Variants in XYLT1 observed in about 807,000 individuals in gnomAD.
The protein encoded by XYLT1 is beta-D-xylosyltransferase 1.
A neutral mutation model predicts 91.3 loss-of-function variants in XYLT1; 36 were observed. That is an observed-to-expected ratio of 0.39 (90% confidence interval 0.30 to 0.52). The LOEUF (loss-of-function observed/expected upper bound fraction) is 0.52. Ranked by LOEUF, XYLT1 falls within the 20% of genes least tolerant of loss-of-function variation. The pLI is 0.68. For synonymous variants in XYLT1, 588 were observed against 532.0 expected, an observed-to-expected ratio of 1.11 and a Z score of -1.45; for missense variants, 1,242 against 1,284.5, an observed-to-expected ratio of 0.97 and a Z score of 0.51.
At chr16:17,391,584 T>C (rs2035819844) in intron 1 of XYLT1, among the ~76,000 whole-genome samples, 2 of 152,232 alleles carry the variant, frequency 1.3e-5, no homozygotes, top group South Asian at 4.1e-4. Context: ...TGTCCACTTC[T>C]GACCTTGACC....
intron 1 of XYLT1, chr16:17,446,063 C>G (rs1195167418): frequency 6.6e-6 from 1 of 152,132 alleles, no homozygotes; most frequent in Non-Finnish European, 1.5e-5. Context: ...TATGAGAGAT[C>G]TAGAAAAGCT....
At chr16:17,284,054 G>A (rs1356272251) in intron 2 of XYLT1, among the ~76,000 whole-genome samples, 1 of 152,208 alleles carries the variant, frequency 6.6e-6, no homozygotes, top group African/African-American at 2.4e-5. Context: ...CTAAACCTCA[G>A]CATTATCCCT....
chr16:17,285,291 G>A (rs963436035), intron 2 of XYLT1, among the ~76,000 whole-genome samples: 10 of 152,194 alleles, frequency 6.6e-5, no homozygotes, highest in African/African-American at 2.4e-4. Flanking sequence ...ACCAGCAAAT[G>A]GCTTTAAATC....
intron 1 of XYLT1, among the ~76,000 whole-genome samples, chr16:17,441,291 T>C (rs531677932): frequency 4.6e-5 from 7 of 152,262 alleles, no homozygotes; most frequent in Non-Finnish European, 7.3e-5. Context: ...ACCTTTATGA[T>C]AAATCCAGCT....
intron 2 of XYLT1, among the ~76,000 whole-genome samples, chr16:17,277,155 G>T (rs531805700): frequency 1.8e-4 from 27 of 152,164 alleles, no homozygotes; most frequent in African/African-American, 5.5e-4. Flanking sequence ...TCAATAAACA[G>T]ATTCTATCAC....
In XYLT1 at chr16:17,115,312, TAAAAAAAA is replaced by T. The variant is rs869095502; in HGVS notation, c.2557+2326_2557+2333del. ...CAGACCACACAACCACAAAAATAGTTAAAAAAAAAAAAAAAAAAAAAAAAAGCCGGGCA... is the reference window on the plus strand; with the variant it reads ...CAGACCACACAACCACAAAAATAGTTAAAAAAAAAAAAAAAAAGCCGGGCA... On this transcript the variant is annotated intron_variant, in intron 11 of 11. Transcript: ENST00000261381. Among the ~76,000 whole-genome samples the T allele has an allele frequency of 3.1e-4, 15 of 48,844 alleles. No homozygotes were observed. In the East Asian group the frequency reaches 6.4e-3, roughly 21 times the overall value. The allele number at this position is 48,844 out of a possible 152,430, so 32.0% of individuals were successfully genotyped here.
chr16:17,245,150 G>A (rs2141739701), intron 3 of XYLT1, among the ~76,000 whole-genome samples: 1 of 152,274 alleles, frequency 6.6e-6, no homozygotes, highest in East Asian at 1.9e-4. Flanking sequence ...TATCTGCAAT[G>A]TTTCAGTATT....
chr16:17,322,610 A>G (rs760446666), intron 2 of XYLT1, among the ~76,000 whole-genome samples: 3 of 152,144 alleles, frequency 2.0e-5, no homozygotes, highest in Non-Finnish European at 4.4e-5. Flanking sequence ...CTGATGATGT[A>G]TATGTCTTCA....
At chr16:17,332,479 T>G (rs1051858111) in intron 2 of XYLT1, among the ~76,000 whole-genome samples, 3 of 151,758 alleles carry the variant, frequency 2.0e-5, no homozygotes, top group Non-Finnish European at 4.4e-5. Context: ...GAAGAATCAC[T>G]TGGACCCGGG....
chr16:17,413,634 C>T (rs1388227895), intron 1 of XYLT1, among the ~76,000 whole-genome samples: 3 of 151,964 alleles, frequency 2.0e-5, no homozygotes, highest in East Asian at 1.9e-4. Flanking sequence ...GATGGGGTTT[C>T]GCCATGTTGC....
At position 17,306,670 on chromosome 16, in the gene XYLT1, A is replaced by G. The variant is rs574148758; in HGVS notation, c.403-47172T>C. Among the ~76,000 whole-genome samples the G allele has an allele frequency of 2.6e-5, 4 of 152,248 alleles. No individual in the cohort carries two copies. In the South Asian group the frequency reaches 6.2e-4, roughly 24 times the overall value. On this transcript the variant is annotated intron_variant, in intron 2 of 11. Coordinates refer to ENST00000261381, the MANE Select transcript of XYLT1 (RefSeq NM_022166.4). ...CTTCCAAAAAACTGGATATGAATAA[A>G]TTTCTTAAAATCTTTTTATATACAT...
intron 5 of XYLT1, among the ~76,000 whole-genome samples, chr16:17,195,965 T>C (rs7199403): frequency 0.57 from 86,112 of 152,142 alleles, 27,170 homozygotes; most frequent in African/African-American, 0.84. Flanking sequence ...GTAAGTAAAA[T>C]TCTACCAGCA....
chr16:17,412,827 T>C (rs2036129156), intron 1 of XYLT1, among the ~76,000 whole-genome samples: 1 of 152,062 alleles, frequency 6.6e-6, no homozygotes, highest in Admixed American at 6.5e-5. Flanking sequence ...GCTTAATTCC[T>C]TTCCGAGATG....
chr16:17,441,931 T>C (rs1275411622), intron 1 of XYLT1, among the ~76,000 whole-genome samples: 2 of 152,266 alleles, frequency 1.3e-5, no homozygotes, highest in African/African-American at 2.4e-5. Flanking sequence ...CAACTTGATG[T>C]GGCCACAGAG....
chr16:17,343,147 C>A (rs1168839066), intron 2 of XYLT1, among the ~76,000 whole-genome samples: 1 of 152,178 alleles, frequency 6.6e-6, no homozygotes, highest in Non-Finnish European at 1.5e-5. Flanking sequence ...TTCACAGAGT[C>A]CAGGGAGTAA....
At chr16:17,275,463 G>A (rs12931053) in intron 2 of XYLT1, among the ~76,000 whole-genome samples, 39,594 of 151,962 alleles carry the variant, frequency 0.26, 5,455 homozygotes, top group Middle Eastern at 0.37. Context: ...CTGATCTTTG[G>A]CCTGGGGTGG....
intron 2 of XYLT1, among the ~76,000 whole-genome samples, chr16:17,274,688 C>T (rs774623551): frequency 2.0e-5 from 3 of 152,074 alleles, no homozygotes; most frequent in Admixed American, 6.6e-5. Context: ...AGCAGTTTTC[C>T]AGCCTCATCT....
intron 3 of XYLT1, among the ~76,000 whole-genome samples, chr16:17,202,091 G>A (rs372728510): frequency 7.9e-5 from 12 of 152,260 alleles, no homozygotes; most frequent in African/African-American, 2.9e-4. Flanking sequence ...TAAAAACACA[G>A]CTTCCTAGTT....
intron 2 of XYLT1, among the ~76,000 whole-genome samples, chr16:17,302,326 G>A (rs936765994): frequency 1.3e-5 from 2 of 152,130 alleles, no homozygotes; most frequent in African/African-American, 4.8e-5. Flanking sequence ...ATAAGATGTC[G>A]AGTCTAGACC....
Sources: allele counts gnomAD v4.1 joint callset (sites outside exome capture counted in the v4.1 genomes callset), GRCh38; gene constraint gnomAD v4.1.1; transcripts MANE v1.5; gene names NCBI Gene and HGNC (gene_info 2026-07-23, HGNC 2026-07-21).